Variants in MYO1B observed in about 807,000 individuals in gnomAD.
MYO1B encodes myosin IB.
In MYO1B, 72 loss-of-function variants were observed where a neutral mutation model predicts 159.7. The ratio of observed to expected loss-of-function variants is 0.45; its 90% CI spans 0.37 to 0.55. The LOEUF is 0.55. Ranked by LOEUF, MYO1B falls within the 20% of genes least tolerant of loss-of-function variation. The pLI is 0.00. For missense variants in MYO1B, 1,062 were observed against 1,364.8 expected, an observed-to-expected ratio of 0.78 and a Z score of 3.50; for synonymous variants, 468 against 473.8, an observed-to-expected ratio of 0.99 and a Z score of 0.16.
intron 2 of MYO1B, among the ~76,000 whole-genome samples, chr2:191,287,327 A>G (rs1453827293): frequency 6.6e-6 from 1 of 152,144 alleles, no homozygotes; most frequent in African/African-American, 2.4e-5. Context: ...CAGGAATTCA[A>G]GACTAGCCTG....
rs188314345 is a variant in MYO1B at position 191,321,315 on chromosome 2, A to G, written c.252-8620A>G. Among the ~76,000 whole-genome samples the G allele has an allele frequency of 3.8e-3, 573 of 152,312 alleles. 5 individuals are homozygous for G. Among genetic ancestry groups the G allele is most frequent in the South Asian group, 0.011 (51 of 4,830 alleles). On this transcript the variant is annotated intron_variant, in intron 3 of 30. Coordinates refer to ENST00000392318, the MANE Select transcript of MYO1B (RefSeq NM_001130158.3). ...AACTTCTCTTGGGATAGGTGTTTCC[A>G]TGATTTATTTGCCTGTAACAAAGTC... is the stretch of plus-strand genomic sequence containing the variant.
intron 13 of MYO1B, among the ~76,000 whole-genome samples, chr2:191,374,313 G>A (rs1394375515): frequency 6.6e-6 from 1 of 152,208 alleles, no homozygotes; most frequent in South Asian, 2.1e-4. Context: ...GAAACTGCTG[G>A]AGTATAGATA....
chr2:191,285,281 T>C (rs1196335711), intron 2 of MYO1B, among the ~76,000 whole-genome samples: 1 of 152,184 alleles, frequency 6.6e-6, no homozygotes, highest in Non-Finnish European at 1.5e-5. Flanking sequence ...AGGTGATATT[T>C]TTAGCCAGTA....
chr2:191,404,727 A>G (rs1320598878), intron 24 of MYO1B, among the ~76,000 whole-genome samples: 1 of 152,260 alleles, frequency 6.6e-6, no homozygotes, highest in Non-Finnish European at 1.5e-5. Context: ...ACTGTAGTCT[A>G]TTAAGTATCT....
chr2:191,414,380 T>C, intron 28 of MYO1B, 137 bp from the exon 29 acceptor site: 1 of 1,036,344 alleles, frequency 9.6e-7, no homozygotes. Flanking sequence ...TTATTTATGT[T>C]CTTTACTGCG....
intron 1 of MYO1B, among the ~76,000 whole-genome samples, chr2:191,247,702 C>G (rs1289053649): frequency 6.6e-6 from 1 of 152,174 alleles, no homozygotes; most frequent in Non-Finnish European, 1.5e-5. Flanking sequence ...AAATACAACA[C>G]GATTGAATTC....
At chr2:191,353,758 G>A (rs1357969183) in intron 7 of MYO1B, among the ~76,000 whole-genome samples, 2 of 152,194 alleles carry the variant, frequency 1.3e-5, no homozygotes, top group African/African-American at 4.8e-5. Context: ...CAATAGGACT[G>A]ATTGCATAGG....
At chr2:191,297,542 C>G (rs762082553) in intron 3 of MYO1B, among the ~76,000 whole-genome samples, 1 of 152,130 alleles carries the variant, frequency 6.6e-6, no homozygotes, top group Non-Finnish European at 1.5e-5. Flanking sequence ...CTCTCTCTCT[C>G]AAAACAGATG....
chr2:191,350,134 G>C (rs1168633851), intron 6 of MYO1B, 28 bp from the exon 7 acceptor site: 2 of 1,601,086 alleles, frequency 1.2e-6, no homozygotes, highest in Admixed American at 3.3e-5. Context: ...AGATGAACTA[G>C]AAAACTCACA....
chr2:191,305,794 G>T (rs1689616399), intron 3 of MYO1B, among the ~76,000 whole-genome samples: 1 of 152,164 alleles, frequency 6.6e-6, no homozygotes, highest in Non-Finnish European at 1.5e-5. Context: ...AAGTGGTGTG[G>T]TCCCCTGGGA....
In MYO1B at chr2:191,385,943, T is replaced by C; in HGVS notation, c.1413T>C (p.Thr471=). ...DEECLRPGTV[T]DETFLEKLNQ... ...AGTGCCTCAGACCTGGCACAGTCAC[T>C]GATGAGACCTTCTTAGAAAAGCTGA... is the stretch of plus-strand genomic sequence containing the variant. The change falls in exon 16 of 31, where the codon ACT becomes ACC. Residue 471 remains threonine (T), a synonymous_variant. Transcript: ENST00000392318. 6.2e-7 allele frequency: 1 copy of C among 1,614,196 alleles called. No individual in the cohort carries two copies. The highest frequency in any genetic ancestry group is 8.5e-7 in the Non-Finnish European group (1 of 1,180,018).
intron 9 of MYO1B, among the ~76,000 whole-genome samples, chr2:191,362,911 G>A (rs1693764122): frequency 4.6e-5 from 7 of 152,218 alleles, no homozygotes; most frequent in Admixed American, 4.6e-4. Context: ...CAGCTGTGGT[G>A]ATGGGGAAAG....
At chr2:191,285,340 A>C (rs1225121477) in intron 2 of MYO1B, among the ~76,000 whole-genome samples, 2 of 152,212 alleles carry the variant, frequency 1.3e-5, no homozygotes, top group African/African-American at 4.8e-5. Flanking sequence ...TCATAGTCTG[A>C]AATGACTGGC....
At chr2:191,245,751 G>C (rs1685744024) in intron 1 of MYO1B, 125 bp downstream of exon 1, 1 of 152,222 alleles carries the variant, frequency 6.6e-6, no homozygotes, top group South Asian at 2.1e-4. Context: ...TGCGGGCGGG[G>C]GTCAGCGGGC....
chr2:191,326,453 C>G (rs1043981724), intron 3 of MYO1B, among the ~76,000 whole-genome samples: 1 of 152,058 alleles, frequency 6.6e-6, no homozygotes, highest in African/African-American at 2.4e-5. Flanking sequence ...GACATTTATA[C>G]TGTCCTTGAG....
chr2:191,295,145 T>C (rs1049714412), intron 2 of MYO1B, among the ~76,000 whole-genome samples: 4 of 152,188 alleles, frequency 2.6e-5, no homozygotes, highest in African/African-American at 9.7e-5. Context: ...TTTATCACTT[T>C]ACCACTTTTG....
chr2:191,328,936 A>G (rs1417623157), intron 3 of MYO1B, among the ~76,000 whole-genome samples: 1 of 152,100 alleles, frequency 6.6e-6, no homozygotes, highest in Non-Finnish European at 1.5e-5. Flanking sequence ...CATTGGGCTT[A>G]ATGTATTGGC....
At chr2:191,340,318 G>T (rs1463239541) in intron 4 of MYO1B, among the ~76,000 whole-genome samples, 2 of 151,980 alleles carry the variant, frequency 1.3e-5, no homozygotes, top group African/African-American at 4.8e-5. Flanking sequence ...GATAATGAAA[G>T]TGGTTTCACT....
At chr2:191,317,060 G>A (rs1370350158) in intron 3 of MYO1B, among the ~76,000 whole-genome samples, 2 of 152,120 alleles carry the variant, frequency 1.3e-5, no homozygotes, top group East Asian at 1.9e-4. Context: ...TTTGATTTGC[G>A]GAGGCCGAAG....
Sources: allele counts gnomAD v4.1 joint callset (sites outside exome capture counted in the v4.1 genomes callset), GRCh38; gene constraint gnomAD v4.1.1; transcripts MANE v1.5; gene names NCBI Gene and HGNC (gene_info 2026-07-23, HGNC 2026-07-21).